MACF1: variants seen among roughly 807,000 people sequenced by gnomAD.
The protein encoded by MACF1 is microtubule-actin cross-linking factor 1.
MACF1 carries 193 observed loss-of-function variants against 854.8 expected under a neutral mutation model. That is an observed-to-expected ratio of 0.23 (90% confidence interval 0.20 to 0.25). MACF1 has a LOEUF of 0.25. Among genes scored for constraint, MACF1 ranks in the 10% least tolerant of loss-of-function variants. The pLI, the probability that MACF1 is intolerant of heterozygous loss-of-function variation, is 1.00. For synonymous variants in MACF1, 3,185 were observed against 3,226.7 expected, an observed-to-expected ratio of 0.99 and a Z score of 0.44; for missense variants, 7,722 against 8,929.1, an observed-to-expected ratio of 0.86 and a Z score of 5.45.
intron 71 of MACF1, among the ~76,000 whole-genome samples, 186 bp from the exon 72 acceptor site, chr1:39,439,084 CAAAA>C (rs760415601): frequency 2.4e-5 from 2 of 84,850 alleles, no homozygotes; most frequent in African/African-American, 4.1e-5. Flanking sequence ...ACTCTGTCTC[CAAAA>C]AAAAAAAAAA....
Position 39,302,978 on chromosome 1 carries a change from A to G in MACF1, c.2689A>G (p.Lys897Glu). 6.2e-7 allele frequency: 1 copy of G among 1,614,216 alleles called. No homozygotes were observed. The highest frequency in any genetic ancestry group is 8.5e-7 in the Non-Finnish European group (1 of 1,180,026). Residue 897 changes from lysine (K) to glutamate (E), a missense_variant, in exon 23 of 101, where the codon AAA (lysine) becomes GAA (glutamate). By Grantham distance (56) the Lys-to-Glu change is moderately conservative. Transcript: ENST00000564288. Reference sequence around the variant, plus strand: ...GCTAGAAGATAATTCTCAGCGGACCAAATGGAAAGTGATCAGCCCCACAGG... The same window carrying G: ...GCTAGAAGATAATTCTCAGCGGACCGAATGGAAAGTGATCAGCCCCACAGG... ...CVLEDNSQRT[K>E]WKVISPTGNE...
Position 39,335,916 on chromosome 1 carries a change from G to A in MACF1, c.9328G>A (p.Glu3110Lys), listed in dbSNP as rs1189751298. Residue 3110 changes from glutamate (E) to lysine (K), a missense_variant, in exon 37 of 101, where the codon GAA becomes AAA. This residue lies in a region of MACF1 where 854 missense variants were observed against 852.6 expected (regional missense o/e 1.00). Transcript: ENST00000564288. Reference sequence around the variant, plus strand: ...ATTCCCTTGTATGACCCCAAGACCTGAAGGATTGCACTACCAGGAATCAGA... The same window carrying A: ...ATTCCCTTGTATGACCCCAAGACCTAAAGGATTGCACTACCAGGAATCAGA... ...EPFPCMTPRP[E>K]GLHYQESDGK... The A allele has an allele frequency of 6.2e-7, 1 of 1,614,094 alleles. No homozygotes were observed. The highest frequency in any genetic ancestry group is 2.2e-5 in the East Asian group (1 of 44,878).
Position 39,335,327 on chromosome 1 carries a change from A to C in MACF1, c.8739A>C (p.Ala2913=). 1 of 1,613,990 alleles carries C rather than the reference A, an allele frequency of 6.2e-7. No individual in the cohort carries two copies. Among genetic ancestry groups the C allele is most frequent in the African/African-American group, 1.3e-5 (1 of 75,040 alleles). The stretch of plus-strand genomic sequence containing the variant: ...ATACAAATGAAGAGCAGGAAAAAGC[A>C]GTGACAAAAATAGAAATTATTTCTC... ...GNDTNEEQEK[A]VTKIEIISHM... The change falls in exon 37 of 101, where the codon GCA becomes GCC. Residue 2913 remains alanine (A), a synonymous_variant. Transcript: ENST00000564288.
chr1:39,347,703 A>G (rs1417330839), intron 41 of MACF1, among the ~76,000 whole-genome samples: 1 of 152,210 alleles, frequency 6.6e-6, no homozygotes, highest in African/African-American at 2.4e-5. Context: ...GCTGACAAGG[A>G]AATTTTATTA....
chr1:39,481,373 G>A (rs1645008487), intron 99 of MACF1, among the ~76,000 whole-genome samples: 2 of 152,190 alleles, frequency 1.3e-5, no homozygotes, highest in Admixed American at 6.5e-5. Context: ...ATACTCAGAC[G>A]AGTTATGAAC....
intron 95 of MACF1, among the ~76,000 whole-genome samples, chr1:39,466,962 T>C (rs1339082324): frequency 6.6e-6 from 1 of 152,190 alleles, no homozygotes; most frequent in African/African-American, 2.4e-5. Context: ...ATATGGAGAA[T>C]TACCACAAGT....
At chr1:39,304,937 A>G (rs1295172491) in intron 23 of MACF1, 1 of 150,132 alleles carries the variant, frequency 6.7e-6, no homozygotes, top group East Asian at 2.0e-4. Flanking sequence ...TTTTTTTTTA[A>G]TGGCAGCTGA....
At chr1:39,327,804 G>A (rs959221217) in intron 36 of MACF1, among the ~76,000 whole-genome samples, 3 of 152,168 alleles carry the variant, frequency 2.0e-5, no homozygotes, top group Admixed American at 2.0e-4. Flanking sequence ...TGGTAGAGTA[G>A]TTTCACTGAC....
At chr1:39,151,890 GA>G (rs1643586969) in intron 2 of MACF1, among the ~76,000 whole-genome samples, 1 of 152,136 alleles carries the variant, frequency 6.6e-6, no homozygotes, top group South Asian at 2.1e-4. Context: ...TTGAGTATAT[GA>G]ATGATTAAGA....
chr1:39,424,110 A>G lies in MACF1; in HGVS notation c.16232A>G (p.Glu5411Gly), dbSNP rs1643648278. 1 of 1,612,650 alleles carries G rather than the reference A, an allele frequency of 6.2e-7. No individual in the cohort carries two copies. The highest frequency in any genetic ancestry group is 8.5e-7 in the Non-Finnish European group (1 of 1,179,418). ...AEGGRIAQSA[E>G]LADREKITGQ... ...GGAGGCAGAATAGCCCAGTCAGCAG[A>G]GCTGGCTGATAGAGAGAAAATCACT... Residue 5411 changes from glutamate (E) to glycine (G), a missense_variant, in exon 61 of 101, where the codon GAG becomes GGG. Physicochemically the swap from Glu to Gly is moderately conservative, Grantham distance 98. Transcript: ENST00000564288.
chr1:39,356,998 T>G (rs904541272), intron 44 of MACF1, among the ~76,000 whole-genome samples: 1 of 152,214 alleles, frequency 6.6e-6, no homozygotes, highest in Non-Finnish European at 1.5e-5. Flanking sequence ...GCATACTGTT[T>G]AGAGAGTGAC....
chr1:39,337,724 G>A (rs903618841), intron 38 of MACF1, among the ~76,000 whole-genome samples: 2 of 150,868 alleles, frequency 1.3e-5, no homozygotes, highest in African/African-American at 4.9e-5. Flanking sequence ...CTGCCGCCAC[G>A]CCTGGCTAAT....
chr1:39,382,694 A>G (rs1251172446), intron 56 of MACF1, among the ~76,000 whole-genome samples: 1 of 150,940 alleles, frequency 6.6e-6, no homozygotes, highest in Non-Finnish European at 1.5e-5. Context: ...AAAAAAAAAA[A>G]ATTTTTTTTT....
chr1:39,391,377 G>T (rs1028494538), intron 58 of MACF1, among the ~76,000 whole-genome samples: 3 of 152,084 alleles, frequency 2.0e-5, no homozygotes, highest in African/African-American at 7.2e-5. Context: ...ATTGTTTAGG[G>T]CCTCTATAGT....
chr1:39,233,043 T>G (rs1644803623), intron 2 of MACF1, among the ~76,000 whole-genome samples: 1 of 151,376 alleles, frequency 6.6e-6, no homozygotes. Context: ...GTTTTGTTTT[T>G]TGTTTTTTGA....
At chr1:39,252,147 T>C (rs1645046977) in intron 4 of MACF1, among the ~76,000 whole-genome samples, 1 of 152,244 alleles carries the variant, frequency 6.6e-6, no homozygotes, top group African/African-American at 2.4e-5. Context: ...GGGAATTGTT[T>C]TTCTTAGCTG....
At chr1:39,406,633 G>A (rs2148602420) in intron 58 of MACF1, among the ~76,000 whole-genome samples, 1 of 150,732 alleles carries the variant, frequency 6.6e-6, no homozygotes, top group Admixed American at 6.7e-5. Context: ...TATTGGGGAG[G>A]CTGAGGCAGG....
rs183345423 is a variant in MACF1, at chr1:39,479,909, G to A, written c.22070G>A (p.Arg7357Gln). The change falls in exon 98 of 101, where the codon CGG (arginine) becomes CAG (glutamine). Residue 7357 changes from arginine (R) to glutamine (Q), a missense_variant. Arg to Gln is a conservative substitution (Grantham distance 43). Around this residue, in one of 15 missense-constraint regions of MACF1, gnomAD observed 153 missense variants for 342.5 expected, o/e 0.45. Transcript: ENST00000564288. ...GGTCGAAGGTCCAAACCATCTTCCC[G>A]GGCAGCTTCCCCTACTCGTTCCAGC... ...SRGRRSKPSS[R>Q]AASPTRSSSS... is the part of the protein sequence containing the mutation. 7.8e-5 allele frequency: 126 copies of A among 1,614,154 alleles called. No individual in the cohort carries two copies. The East Asian group carries it at 2.2e-3, about 28-fold the overall frequency.
intron 2 of MACF1, among the ~76,000 whole-genome samples, chr1:39,152,980 A>G (rs1430960900): frequency 6.6e-6 from 1 of 152,208 alleles, no homozygotes; most frequent in African/African-American, 2.4e-5. Flanking sequence ...GAATAACCAA[A>G]TGTAGTTCTC....
Sources: gnomAD v4.1 joint callset for allele counts (sites outside exome capture counted in the v4.1 genomes callset) on GRCh38, gnomAD v4.1.1 for gene constraint, gnomAD v4.1.1 regional missense constraint, MANE v1.5 for transcripts, NCBI Gene and HGNC (gene_info 2026-07-23, HGNC 2026-07-21) for gene names.